The following DYRK1A variants were observed in gnomAD, a reference collection of about 807,000 sequenced individuals.
DYRK1A encodes dual specificity tyrosine phosphorylation regulated kinase 1A.
A neutral mutation model predicts 79.7 loss-of-function variants in DYRK1A; 9 were observed. That is an observed-to-expected ratio of 0.11 (90% CI 0.07 to 0.20). The LOEUF is 0.20. Among genes scored for constraint, DYRK1A ranks in the 10% least tolerant of loss-of-function variants. DYRK1A has a pLI of 1.00. For missense variants in DYRK1A, 622 were observed against 956.0 expected, an observed-to-expected ratio of 0.65 and a Z score of 4.61; for synonymous variants, 349 against 329.7, an observed-to-expected ratio of 1.06 and a Z score of -0.63.
chr21:37,437,596 TC>T (rs1443759310), intron 2 of DYRK1A, among the ~76,000 whole-genome samples: 110 of 152,370 alleles, frequency 7.2e-4, no homozygotes, highest in African/African-American at 2.4e-3. Context: ...CTTCACTTGT[TC>T]CAGAATTTTA....
chr21:37,375,928 C>G (rs918316267), intron 1 of DYRK1A, among the ~76,000 whole-genome samples: 1 of 151,836 alleles, frequency 6.6e-6, no homozygotes, highest in African/African-American at 2.4e-5. Context: ...GTTTTTGCAC[C>G]CAAAAGTTGC....
At chr21:37,488,955 C>T (rs1217692323) in intron 6 of DYRK1A, 15 of 806,348 alleles carry the variant, frequency 1.9e-5, no homozygotes, top group Non-Finnish European at 1.9e-5. Context: ...TTAAGGATTC[C>T]TTTTGTTATT....
intron 1 of DYRK1A, among the ~76,000 whole-genome samples, chr21:37,374,166 C>T (rs371693673): frequency 6.6e-6 from 1 of 151,900 alleles, no homozygotes; most frequent in Non-Finnish European, 1.5e-5. Context: ...TATTTGAAAT[C>T]TGAGCTTTTG....
Position 37,511,935 on chromosome 21 carries a change from C to T in DYRK1A, c.1669C>T (p.Leu557Phe). The T allele has an allele frequency of 6.2e-7, 1 of 1,613,460 alleles. No individual in the cohort carries two copies. The highest frequency in any genetic ancestry group is 2.2e-5 in the East Asian group (1 of 44,880). The stretch of plus-strand genomic sequence containing the variant: ...GGTGCGTCAGCAATTTCCTGCTCCT[C>T]TTGGTTGGTCAGGCACTGAAGCTCC... ...PQVRQQFPAP[L>F]GWSGTEAPTQ... The change falls in exon 12 of 12, where the codon CTT becomes TTT. Residue 557 changes from leucine to phenylalanine, a missense_variant. Physicochemically the swap from Leu to Phe is conservative, Grantham distance 22 (BLOSUM62 0). Transcript: ENST00000647188.
rs538753058 is a variant in DYRK1A, at chr21:37,415,268, T to C, written c.-76-5031T>C. Among the ~76,000 whole-genome samples, 8 of 152,304 alleles carry C rather than the reference T, an allele frequency of 5.3e-5. No homozygotes were observed. In the South Asian group the frequency reaches 1.7e-3, roughly 32 times the overall value. ...CCCTAGTTCTTTTCACATAATTGCA[T>C]GAGAAAGCACATGCTTCTAGCCTCT... On this transcript the variant is annotated intron_variant, in intron 1 of 11. Coordinates refer to ENST00000647188, the MANE Select transcript of DYRK1A (RefSeq NM_001347721.2).
In DYRK1A at chr21:37,506,131, G is replaced by T; in HGVS notation, c.1552G>T (p.Ala518Ser). Residue 518 changes from alanine to serine, a missense_variant, in exon 11 of 12, where the codon GCC (alanine) becomes TCC (serine). Ala to Ser is a moderately conservative substitution (Grantham distance 99, BLOSUM62 1). Coordinates refer to ENST00000647188, the MANE Select transcript of DYRK1A (RefSeq NM_001347721.2). ...ATCGGGGACAAGCAACAGTGGGAGA[G>T]CCCGGTCGGATCCGACGCACCAGCA... Reference protein sequence around the residue: ...GSSGTSNSGRARSDPTHQHRH... With the variant: ...GSSGTSNSGRSRSDPTHQHRH... 2 of 1,613,730 alleles carry T rather than the reference G, an allele frequency of 1.2e-6. No individual in the cohort carries two copies. The highest frequency in any genetic ancestry group is 1.7e-6 in the Non-Finnish European group (2 of 1,179,672).
At chr21:37,495,195 T>C (rs945528812) in intron 8 of DYRK1A, among the ~76,000 whole-genome samples, 2 of 143,860 alleles carry the variant, frequency 1.4e-5, no homozygotes, top group African/African-American at 5.2e-5. Flanking sequence ...TGTGTGTGTG[T>C]GTGTGTGGTT....
intron 3 of DYRK1A, among the ~76,000 whole-genome samples, chr21:37,476,148 G>A (rs543886106): frequency 3.3e-5 from 5 of 152,084 alleles, no homozygotes; most frequent in Non-Finnish European, 7.4e-5. Flanking sequence ...GCTGCACTAC[G>A]ATAATATTTC....
rs564902494 is a variant in DYRK1A at position 37,514,935 on chromosome 21, A to G, written c.*2404A>G. The G allele has an allele frequency of 2.6e-5, 4 of 152,758 alleles. No homozygotes were observed. Among genetic ancestry groups the G allele is most frequent in the East Asian group, 1.9e-4 (1 of 5,184 alleles). 9.5% of individuals were successfully genotyped at this position (152,758 alleles called of 1,614,324 possible). A position where few individuals can be genotyped will look rare whatever the true frequency, so the allele number is the denominator to read the frequency against. ...TACGTAAAGAAAATCATAAAATCCAATGCTTCTGCATACTGTGTTATGTTA... is the reference window on the plus strand; with the variant it reads ...TACGTAAAGAAAATCATAAAATCCAGTGCTTCTGCATACTGTGTTATGTTA... On this transcript the variant is annotated 3_prime_UTR_variant, in exon 12 of 12. Coordinates refer to ENST00000647188, the MANE Select transcript of DYRK1A (RefSeq NM_001347721.2).
At chr21:37,392,049 G>A (rs2049880344) in intron 1 of DYRK1A, among the ~76,000 whole-genome samples, 1 of 152,198 alleles carries the variant, frequency 6.6e-6, no homozygotes, top group African/African-American at 2.4e-5. Context: ...AAATGATGTT[G>A]AGTAAATTGC....
chr21:37,461,710 G>A (rs918970042), intron 2 of DYRK1A, among the ~76,000 whole-genome samples: 74 of 152,094 alleles, frequency 4.9e-4, no homozygotes, highest in African/African-American at 1.8e-3. Context: ...TTCTTCTGGC[G>A]GTGCACATGG....
chr21:37,445,366 A>G (rs567426940), intron 2 of DYRK1A, among the ~76,000 whole-genome samples: 1 of 152,210 alleles, frequency 6.6e-6, no homozygotes, highest in Non-Finnish European at 1.5e-5. Context: ...GTTTAAGATG[A>G]TGAGGAATGT....
intron 7 of DYRK1A, among the ~76,000 whole-genome samples, chr21:37,491,291 G>A (rs1268692603): frequency 6.6e-6 from 1 of 152,102 alleles, no homozygotes; most frequent in Non-Finnish European, 1.5e-5. Flanking sequence ...TAAAATAGAA[G>A]TGATAGGGGT....
rs58947386 is a variant in DYRK1A, at chr21:37,519,736, G to GTTTTTTTTGTTTTTTTGT, written c.*7213_*7214insGTTTTTTTGTTTTTTTTT. 3 of 85,802 alleles carry GTTTTTTTTGTTTTTTTGT rather than the reference G, an allele frequency of 3.5e-5. No individual in the cohort carries two copies. The highest frequency in any genetic ancestry group is 1.5e-4 in the African/African-American group (3 of 20,580). The allele number at this position is 85,802 out of a possible 1,614,324, so 5.3% of individuals were successfully genotyped here. A position where few individuals can be genotyped will look rare whatever the true frequency, so the allele number is the denominator to read the frequency against. On this transcript the variant is annotated 3_prime_UTR_variant, in exon 12 of 12. Transcript: ENST00000647188. Reference sequence around the variant, plus strand: ...AGAGTTTTGAGGTTTGTTGTGGGAAGTTTTTTTTTTTTTTTTTTTTTTTGA... The same window carrying GTTTTTTTTGTTTTTTTGT: ...AGAGTTTTGAGGTTTGTTGTGGGAAGTTTTTTTTGTTTTTTTGTTTTTTTTTTTTTTTTTTTTTTTTGA...
At chr21:37,368,898 C>T (rs566399826) in intron 1 of DYRK1A, among the ~76,000 whole-genome samples, 2 of 152,258 alleles carry the variant, frequency 1.3e-5, no homozygotes, top group African/African-American at 4.8e-5. Context: ...GTGGAATTAC[C>T]TTTGTGGCTT....
chr21:37,496,043 G>T, intron 8 of DYRK1A, 75 bp from the exon 9 acceptor site: 1 of 1,444,400 alleles, frequency 6.9e-7, no homozygotes, highest in Middle Eastern at 1.8e-4. Flanking sequence ...ATTTATTTAT[G>T]AATGAATGAC....
At chr21:37,436,758 G>A (rs1411017136) in intron 2 of DYRK1A, among the ~76,000 whole-genome samples, 3 of 152,052 alleles carry the variant, frequency 2.0e-5, no homozygotes, top group Admixed American at 1.3e-4. Flanking sequence ...TTAATCACAC[G>A]TCCCCAGGCA....
At chr21:37,486,445 A>C (rs765041872) in intron 5 of DYRK1A, 22 bp from the exon 6 acceptor site, 1 of 1,419,762 alleles carries the variant, frequency 7.0e-7, no homozygotes, top group Admixed American at 2.8e-5. Flanking sequence ...TGAAATAGAG[A>C]ATTATTCATC....
chr21:37,499,592 C>G (rs1165430666), intron 9 of DYRK1A, among the ~76,000 whole-genome samples: 4 of 152,160 alleles, frequency 2.6e-5, no homozygotes, highest in Non-Finnish European at 5.9e-5. Flanking sequence ...CTTAAAATCT[C>G]TCAGCAGTGT....
Sources: allele counts gnomAD v4.1 joint callset (sites outside exome capture counted in the v4.1 genomes callset), GRCh38; gene constraint gnomAD v4.1.1; transcripts MANE v1.5; gene names NCBI Gene and HGNC (gene_info 2026-07-23, HGNC 2026-07-21).